The following IGFBP2 variants were observed in gnomAD, a reference collection of about 807,000 sequenced individuals.
IGFBP2 encodes insulin like growth factor binding protein 2.
IGFBP2 carries 12 observed loss-of-function variants against 26.2 expected under a neutral mutation model. That is an observed-to-expected ratio of 0.46 (90% CI 0.29 to 0.74). The LOEUF is 0.74. Ranked by LOEUF, IGFBP2 falls within the 30% of genes least tolerant of loss-of-function variation. The pLI, the probability that IGFBP2 is intolerant of heterozygous loss-of-function variation, is 0.09. For synonymous variants in IGFBP2, 189 were observed against 200.6 expected, an observed-to-expected ratio of 0.94 and a Z score of 0.49; for missense variants, 328 against 441.2, an observed-to-expected ratio of 0.74 and a Z score of 2.30.
At position 216,664,167 on chromosome 2, in the gene IGFBP2, C is replaced by A; in HGVS notation, c.*63C>A. The A allele has an allele frequency of 7.3e-7, 1 of 1,367,342 alleles. No individual in the cohort carries two copies. The highest frequency in any genetic ancestry group is 1.4e-5 in the South Asian group (1 of 69,612). 84.7% of individuals were successfully genotyped at this position (1,367,342 alleles called of 1,614,324 possible). On this transcript the variant is annotated 3_prime_UTR_variant, in exon 4 of 4. Transcript: ENST00000233809. This position sits in a 1 kb window ranked among gnomAD's most constrained non-coding sequence, Gnocchi z 4.6. ...CCCCTCTCCAAACACCGGCAGAAAACGGAGAGTGCTTGGGTGGTGGGTGCT... is the reference window on the plus strand; with the variant it reads ...CCCCTCTCCAAACACCGGCAGAAAAAGGAGAGTGCTTGGGTGGTGGGTGCT...
intron 1 of IGFBP2, among the ~76,000 whole-genome samples, chr2:216,650,879 C>T (rs1194009842): frequency 6.6e-6 from 1 of 152,200 alleles, no homozygotes; most frequent in East Asian, 1.9e-4. Context: ...GCATGGCTGG[C>T]TCCCTTGCAG....
At chr2:216,641,298 G>A (rs190772446) in intron 1 of IGFBP2, among the ~76,000 whole-genome samples, 262 of 152,292 alleles carry the variant, frequency 1.7e-3, no homozygotes, top group African/African-American at 6.0e-3. Flanking sequence ...CCTCTCTGGA[G>A]GTTCAAATCC....
chr2:216,642,095 G>T (rs1697627689), intron 1 of IGFBP2, among the ~76,000 whole-genome samples: 1 of 149,586 alleles, frequency 6.7e-6, no homozygotes, highest in South Asian at 2.1e-4. Flanking sequence ...CATCTCCCGG[G>T]TTCATGCCAT....
intron 1 of IGFBP2, among the ~76,000 whole-genome samples, chr2:216,648,503 A>G (rs770601859): frequency 1.5e-4 from 23 of 152,114 alleles, no homozygotes; most frequent in Non-Finnish European, 1.3e-4. Flanking sequence ...CCATGTCACT[A>G]TCGTTTGGTC....
intron 1 of IGFBP2, among the ~76,000 whole-genome samples, chr2:216,650,759 G>A (rs1474990452): frequency 1.3e-5 from 2 of 152,200 alleles, no homozygotes; most frequent in Non-Finnish European, 2.9e-5. Flanking sequence ...AAGGCTGTTT[G>A]CAGTTATTTA....
intron 1 of IGFBP2, among the ~76,000 whole-genome samples, chr2:216,639,843 A>G (rs1328823363): frequency 2.0e-5 from 3 of 151,954 alleles, no homozygotes; most frequent in Non-Finnish European, 4.4e-5. Flanking sequence ...GGTTTTCACC[A>G]TGTTGGCCAG....
chr2:216,659,151 C>A (rs2106205415), intron 1 of IGFBP2, among the ~76,000 whole-genome samples: 1 of 152,302 alleles, frequency 6.6e-6, no homozygotes, highest in South Asian at 2.1e-4. Context: ...GGGACAGACC[C>A]CCATCAAATG....
At chr2:216,651,379 G>T (rs2106199243) in intron 1 of IGFBP2, among the ~76,000 whole-genome samples, 2 of 152,310 alleles carry the variant, frequency 1.3e-5, no homozygotes, top group Middle Eastern at 6.8e-3. Context: ...TCCAACAAAA[G>T]CTGTTTCTTG....
At chr2:216,662,463 A>G (rs1188509159) in intron 3 of IGFBP2, 1 of 166,806 alleles carries the variant, frequency 6.0e-6, no homozygotes, top group Non-Finnish European at 1.3e-5. Flanking sequence ...AGTTGTCTTC[A>G]TGGTTTCGAA....
In IGFBP2 at chr2:216,637,421, C is replaced by T. The variant is rs9341111; in HGVS notation, c.442+3456C>T. 4.2e-3 allele frequency among the ~76,000 whole-genome samples: 633 copies of T among 152,344 alleles called. 3 individuals carry two copies. The highest frequency in any genetic ancestry group is 7.0e-3 in the Non-Finnish European group (473 of 68,028). On this transcript the variant is annotated intron_variant, in intron 1 of 3. Transcript: ENST00000233809. ...GTGAGGCAAGTGGTGTTCTTTCTGA[C>T]GCCTGGGGCTGCCGTTGCCCATGGT...
chr2:216,638,350 C>T (rs1469025896), intron 1 of IGFBP2, among the ~76,000 whole-genome samples: 1 of 151,438 alleles, frequency 6.6e-6, no homozygotes, highest in Non-Finnish European at 1.5e-5. Context: ...ACTAAAAATG[C>T]AAAAATTAGT....
At chr2:216,642,108 T>A (rs1309002808) in intron 1 of IGFBP2, among the ~76,000 whole-genome samples, 2 of 148,994 alleles carry the variant, frequency 1.3e-5, no homozygotes, top group East Asian at 3.9e-4. Flanking sequence ...CATGCCATTC[T>A]CCTGCCTCAG....
intron 1 of IGFBP2, among the ~76,000 whole-genome samples, chr2:216,639,398 A>G (rs1697568941): frequency 6.6e-6 from 1 of 152,096 alleles, no homozygotes; most frequent in Non-Finnish European, 1.5e-5. Context: ...AATGGAGAAC[A>G]GGTAAATACC....
intron 2 of IGFBP2, 39 bp from the exon 3 acceptor site, chr2:216,661,819 G>T: frequency 6.2e-7 from 1 of 1,613,090 alleles, no homozygotes; most frequent in Non-Finnish European, 8.5e-7. Context: ...TGGGCCTGCT[G>T]TCCTCACTCC....
intron 1 of IGFBP2, among the ~76,000 whole-genome samples, chr2:216,644,191 G>C (rs1559176041): frequency 7.0e-6 from 1 of 143,842 alleles, no homozygotes; most frequent in African/African-American, 2.5e-5. Context: ...TGTGGGCGGG[G>C]GGAGGGACAC....
chr2:216,656,766 C>G (rs1048775624), intron 1 of IGFBP2, among the ~76,000 whole-genome samples: 1 of 152,162 alleles, frequency 6.6e-6, no homozygotes, highest in Non-Finnish European at 1.5e-5. Context: ...CTGCCTTCAC[C>G]CAAGCCACTT....
intron 1 of IGFBP2, among the ~76,000 whole-genome samples, chr2:216,640,147 T>A (rs1163320833): frequency 3.3e-5 from 5 of 151,858 alleles, no homozygotes; most frequent in Admixed American, 2.0e-4. Context: ...GCTAGGTAGG[T>A]GGGTGGGGCT....
intron 1 of IGFBP2, among the ~76,000 whole-genome samples, chr2:216,648,401 C>T (rs1697756628): frequency 6.6e-6 from 1 of 152,170 alleles, no homozygotes; most frequent in African/African-American, 2.4e-5. Context: ...GCATAGAGAA[C>T]AGGCCAGGAG....
At position 216,661,845 on chromosome 2, in the gene IGFBP2, T is replaced by C; in HGVS notation, c.673-13T>C. On this transcript the variant is annotated splice_polypyrimidine_tract_variant and intron_variant, in intron 2 of 3. Transcript: ENST00000233809. ...TCCTCACTCCGGGCGTCCCCTGCTG[T>C]CTGTGCGTGCAGACTCCCTGCCAAC... 6.2e-7 allele frequency: 1 copy of C among 1,614,056 alleles called. No homozygotes were observed. The highest frequency in any genetic ancestry group is 8.5e-7 in the Non-Finnish European group (1 of 1,180,018).
Sources: allele counts gnomAD v4.1 joint callset (sites outside exome capture counted in the v4.1 genomes callset), GRCh38; gene constraint gnomAD v4.1.1; non-coding constraint Gnocchi (gnomAD v3.1); transcripts MANE v1.5; gene names NCBI Gene and HGNC (gene_info 2026-07-23, HGNC 2026-07-21).